The following NEXMIF variants were observed in gnomAD, a reference collection of about 807,000 sequenced individuals.
The protein encoded by NEXMIF is XLMR protein related to neurite extension.
A neutral mutation model predicts 62.1 loss-of-function variants in NEXMIF; 8 were observed. The ratio of observed to expected loss-of-function variants is 0.13; its 90% confidence interval spans 0.08 to 0.23. The LOEUF (loss-of-function observed/expected upper bound fraction) is 0.23. NEXMIF is among the 10% of genes least tolerant of loss of function. The pLI is 1.00. For synonymous variants in NEXMIF, 404 were observed against 416.6 expected, an observed-to-expected ratio of 0.97 and a Z score of 0.37; for missense variants, 976 against 1,113.3, an observed-to-expected ratio of 0.88 and a Z score of 1.75.
intron 1 of NEXMIF, among the ~76,000 whole-genome samples, chrX:74,884,392 A>G (rs935027575): frequency 1.4e-4 from 16 of 111,799 alleles, no homozygotes; most frequent in African/African-American, 4.2e-4. Flanking sequence ...TGCTGTATTC[A>G]GGAAACCCAT....
chrX:74,817,451 T>G, intron 1 of NEXMIF, among the ~76,000 whole-genome samples: 1 of 111,604 alleles, frequency 9.0e-6, no homozygotes, highest in South Asian at 3.7e-4. Flanking sequence ...ACACTAAAGT[T>G]CTTTAAATAC....
intron 1 of NEXMIF, among the ~76,000 whole-genome samples, chrX:74,755,619 CA>C (rs2080157159): frequency 9.0e-6 from 1 of 111,648 alleles, no homozygotes; most frequent in South Asian, 3.8e-4. Flanking sequence ...AAGATAAGTG[CA>C]CTTCCCACTT....
rs1302223021 is a variant in NEXMIF at position 74,867,270 on chromosome X, A to G, written c.-48+57613T>C. 3.6e-5 allele frequency among the ~76,000 whole-genome samples: 4 copies of G among 112,188 alleles called. No homozygotes were observed. The Admixed American group carries it at 3.8e-4, about 11-fold the overall frequency. On this transcript the variant is annotated intron_variant, in intron 1 of 3. Coordinates refer to ENST00000055682, the MANE Select transcript of NEXMIF (RefSeq NM_001008537.3). ...CCATTGACATTCTTCACAAAAGTAG[A>G]AAAAACTACTTTAAAATTCGTATGG...
At chrX:74,770,388 G>T (rs1411007491) in intron 1 of NEXMIF, among the ~76,000 whole-genome samples, 1 of 112,031 alleles carries the variant, frequency 8.9e-6, no homozygotes, top group Non-Finnish European at 1.9e-5. Context: ...ACAGTGGGTA[G>T]AAAGCATTAC....
In NEXMIF at chrX:74,851,658, TAA is replaced by T. The variant is rs2080514063; in HGVS notation, c.-48+73223_-48+73224del. ...AAAGTTAACATTCATAAACAAAAGA[TAA>T]AGTCTTTCCCAGACAAGCCAAAGCT... On this transcript the variant is annotated intron_variant, in intron 1 of 3. Coordinates refer to ENST00000055682, the MANE Select transcript of NEXMIF (RefSeq NM_001008537.3). 2.7e-5 allele frequency among the ~76,000 whole-genome samples: 3 copies of T among 109,257 alleles called. No individual in the cohort carries two copies. In the South Asian group the frequency reaches 1.2e-3, roughly 42 times the overall value. The allele number at this position is 109,257 out of a possible 115,157, so 94.9% of individuals were successfully genotyped here. A position where few individuals can be genotyped will look rare whatever the true frequency, so the allele number is the denominator to read the frequency against.
intron 1 of NEXMIF, among the ~76,000 whole-genome samples, chrX:74,769,100 T>C (rs1255342350): frequency 2.7e-5 from 3 of 110,793 alleles, no homozygotes; most frequent in Non-Finnish European, 5.7e-5. Context: ...ATAGTTTTTT[T>C]TTTTTCTCAG....
intron 1 of NEXMIF, among the ~76,000 whole-genome samples, chrX:74,805,904 T>C (rs957669114): frequency 3.6e-5 from 4 of 111,835 alleles, no homozygotes; most frequent in African/African-American, 1.3e-4. Flanking sequence ...TGTAGCCTTG[T>C]AGTATAGTTT....
At chrX:74,847,506 G>A (rs919220591) in intron 1 of NEXMIF, among the ~76,000 whole-genome samples, 1 of 112,116 alleles carries the variant, frequency 8.9e-6, no homozygotes, top group African/African-American at 3.2e-5. Context: ...GCAACATACT[G>A]GAGGGTCTGG....
rs1038347256 is a variant in NEXMIF at position 74,824,980 on chromosome X, A to C, written c.-47-79283T>G. Among the ~76,000 whole-genome samples the C allele has an allele frequency of 7.2e-5, 8 of 111,306 alleles. No individual in the cohort carries two copies. The East Asian group carries it at 1.4e-3, about 20-fold the overall frequency. ...TTAAGGAATCCCTATTCAGTTTTCC[A>C]TAATGGCTGTACTAATTTACATTCC... On this transcript the variant is annotated intron_variant, in intron 1 of 3. Transcript: ENST00000055682.
chrX:74,843,247 C>T (rs1428508066), intron 1 of NEXMIF, among the ~76,000 whole-genome samples: 1 of 111,403 alleles, frequency 9.0e-6, no homozygotes, highest in Non-Finnish European at 1.9e-5. Context: ...CTTTTTTGAT[C>T]TTTCTTCGTT....
intron 1 of NEXMIF, among the ~76,000 whole-genome samples, chrX:74,747,162 C>T (rs1340806163): frequency 1.8e-5 from 2 of 111,670 alleles, no homozygotes; most frequent in Non-Finnish European, 3.8e-5. Flanking sequence ...TATCATTTAC[C>T]CCTCTTTTGC....
chrX:74,836,962 A>T (rs1320950409), intron 1 of NEXMIF, among the ~76,000 whole-genome samples: 1 of 111,384 alleles, frequency 9.0e-6, no homozygotes, highest in Non-Finnish European at 1.9e-5. Context: ...GAGAGAGTGG[A>T]GTTCTGACTG....
Position 74,925,412 on chromosome X carries a change from C to T in NEXMIF, c.-577G>A, listed in dbSNP as rs1029993315. On this transcript the variant is annotated 5_prime_UTR_variant, in exon 1 of 4. Coordinates refer to ENST00000055682, the MANE Select transcript of NEXMIF (RefSeq NM_001008537.3). The stretch of plus-strand genomic sequence containing the variant: ...GCTACTGCTGTGGCGGCGGTGGTGG[C>T]GGCGGCGGCTGCTGCTGCTGCTGCT... 9 of 190,403 alleles carry T rather than the reference C, an allele frequency of 4.7e-5. No individual in the cohort carries two copies. The highest frequency in any genetic ancestry group is 2.1e-4 in the East Asian group (1 of 4,687). 15.7% of individuals were successfully genotyped at this position (190,403 alleles called of 1,213,427 possible). A position where few individuals can be genotyped will look rare whatever the true frequency, so the allele number is the denominator to read the frequency against.
chrX:74,827,679 C>T (rs895821982), intron 1 of NEXMIF, among the ~76,000 whole-genome samples: 2 of 111,727 alleles, frequency 1.8e-5, no homozygotes, highest in Non-Finnish European at 3.8e-5. Flanking sequence ...GTTAGCTTTG[C>T]TGATTTCCAT....
At chrX:74,873,129 AT>A (rs2080610643) in intron 1 of NEXMIF, among the ~76,000 whole-genome samples, 1 of 110,176 alleles carries the variant, frequency 9.1e-6, no homozygotes, top group Non-Finnish European at 1.9e-5. Flanking sequence ...TCCCAATGCT[AT>A]CCCTCCCCCA....
chrX:74,866,584 G>A (rs1391338200), intron 1 of NEXMIF, among the ~76,000 whole-genome samples: 1 of 112,417 alleles, frequency 8.9e-6, no homozygotes, highest in East Asian at 2.8e-4. Flanking sequence ...ATATGGTTTG[G>A]TTGTGTCCCC....
chrX:74,841,445 T>C (rs1006079715), intron 1 of NEXMIF, among the ~76,000 whole-genome samples: 6 of 111,916 alleles, frequency 5.4e-5, no homozygotes, highest in Non-Finnish European at 1.1e-4. Context: ...TGACTTCCTC[T>C]CTTTCTATGT....
Position 74,745,029 on chromosome X carries a change from T to C in NEXMIF, c.79+543A>G, listed in dbSNP as rs188138500. The stretch of plus-strand genomic sequence containing the variant: ...TTGAGTCTTGCTCTATTGCCCAGGC[T>C]GAAATGCAGTGGCGTGATCTCGGCT... On this transcript the variant is annotated intron_variant, in intron 2 of 3. Coordinates refer to ENST00000055682, the MANE Select transcript of NEXMIF (RefSeq NM_001008537.3). 4.6e-5 allele frequency among the ~76,000 whole-genome samples: 5 copies of C among 107,656 alleles called. No homozygotes were observed. The East Asian group carries it at 1.5e-3, about 32-fold the overall frequency. 93.5% of individuals were successfully genotyped at this position (107,656 alleles called of 115,157 possible).
intron 1 of NEXMIF, among the ~76,000 whole-genome samples, chrX:74,834,008 C>T (rs1338047556): frequency 9.2e-6 from 1 of 108,596 alleles, no homozygotes; most frequent in Non-Finnish European, 1.9e-5. Context: ...GTGGTGCATG[C>T]CTGTAATCCC....
Sources: gnomAD v4.1 joint callset for allele counts (sites outside exome capture counted in the v4.1 genomes callset) on GRCh38, gnomAD v4.1.1 for gene constraint, MANE v1.5 for transcripts, NCBI Gene and HGNC (gene_info 2026-07-23, HGNC 2026-07-21) for gene names.